NID2: variants seen among roughly 807,000 people sequenced by gnomAD.
NID2 encodes the protein nidogen 2, also known as nidogen-2.
NID2 carries 83 observed loss-of-function variants against 145.4 expected under a neutral mutation model. The ratio of observed to expected loss-of-function variants is 0.57; its 90% CI spans 0.48 to 0.69. NID2 has a LOEUF of 0.69. Among genes scored for constraint, NID2 ranks in the 30% least tolerant of loss-of-function variants. NID2 has a pLI of 0.00. For missense variants in NID2, 1,807 were observed against 1,765.7 expected (o/e 1.02, Z -0.42); for synonymous variants, 739 against 701.3 (o/e 1.05, Z -0.85).
chr14:52,045,210 T>C (rs1892444378), intron 5 of NID2, among the ~76,000 whole-genome samples: 1 of 152,098 alleles, frequency 6.6e-6, no homozygotes, highest in Admixed American at 6.5e-5. Flanking sequence ...GCAGGGAAGA[T>C]TATCGAGATG....
At chr14:52,035,878 A>ACATATATATATATATTTATATT (rs1555364238) in intron 9 of NID2, among the ~76,000 whole-genome samples, 26 of 135,186 alleles carry the variant, frequency 1.9e-4, no homozygotes, top group South Asian at 6.9e-4. Context: ...ATATATATAT[A>ACATATATATATATATTTATATT]TGTTTTATTT....
chr14:52,006,426 G>T, intron 20 of NID2, 111 bp downstream of exon 20: 1 of 1,218,932 alleles, frequency 8.2e-7, no homozygotes, highest in Non-Finnish European at 1.2e-6. Context: ...TGAAACAAAA[G>T]CCTCAGAGGG....
At position 52,010,896 on chromosome 14, in the gene NID2, G is replaced by A. The variant is rs757624317; in HGVS notation, c.3702C>T (p.Ile1234=). The part of the protein sequence containing the change: ...FYTDLVNPRA[I]AVDPIRGNLY... ...CTGACCCTCGGATTGGATCCACAGC[G>A]ATGGCACGGGGATTCACCAGATCTG... The change falls in exon 18 of 22, where the codon ATC becomes ATT. Residue 1234 remains isoleucine (I), a synonymous_variant. Transcript: ENST00000216286. 29 of 1,613,198 alleles carry A rather than the reference G, an allele frequency of 1.8e-5. No homozygotes were observed. The highest frequency in any genetic ancestry group is 2.5e-5 in the Non-Finnish European group (29 of 1,179,890).
At chr14:52,016,365 T>TA (rs1891214802) in intron 14 of NID2, among the ~76,000 whole-genome samples, 1 of 152,224 alleles carries the variant, frequency 6.6e-6, no homozygotes, top group South Asian at 2.1e-4. Context: ...TACCACCATT[T>TA]AGATGTATAA....
Position 52,068,892 on chromosome 14 carries a change from C to A in NID2, c.103G>T (p.Glu35Ter). 1 of 1,614,088 alleles carries A rather than the reference C, an allele frequency of 6.2e-7. No homozygotes were observed. Among genetic ancestry groups the A allele is most frequent in the South Asian group, 1.1e-5 (1 of 91,088 alleles). ...CACGACTCCCCGTGTGGGAAGAGCT[C>A]GTCTGGGTGCAGCGCCGCGGCCCGC... ...MLRAAALHPD[E>*]LFPHGESWGD... Residue 35 changes from glutamate to a stop codon, truncating the protein, a stop_gained, in exon 1 of 22, where the codon GAG becomes TAG. Transcript: ENST00000216286. LOFTEE classifies it high-confidence loss of function.
At chr14:52,032,197 T>A (rs1241455653) in intron 9 of NID2, among the ~76,000 whole-genome samples, 3 of 152,244 alleles carry the variant, frequency 2.0e-5, no homozygotes, top group African/African-American at 7.2e-5. Flanking sequence ...TGCATTCTTG[T>A]AGTGGAATAT....
chr14:52,027,726 C>CTT lies in NID2; in HGVS notation c.2531-384_2531-383dup, dbSNP rs59253416. Among the ~76,000 whole-genome samples, 505 of 136,440 alleles carry CTT rather than the reference C, an allele frequency of 3.7e-3. 5 individuals carry two copies. The highest frequency in any genetic ancestry group is 5.1e-3 in the Admixed American group (69 of 13,618). The allele number at this position is 136,440 out of a possible 152,430, so 89.5% of individuals were successfully genotyped here. ...CTGAATTAAAGAGTGCATTTTCTTT[C>CTT]TTTTTTTTTTTTTTTTGAGATGGAG... On this transcript the variant is annotated intron_variant, in intron 11 of 21. Transcript: ENST00000216286.
chr14:52,036,953 T>C (rs1173472583), intron 9 of NID2, among the ~76,000 whole-genome samples: 1 of 152,248 alleles, frequency 6.6e-6, no homozygotes, highest in Non-Finnish European at 1.5e-5. Context: ...ACTTTGTTAA[T>C]AATGTCCTCT....
chr14:52,011,677 T>A lies in NID2; in HGVS notation c.3427A>T (p.Ile1143Leu). The change falls in exon 17 of 22, where the codon ATA becomes TTA. Residue 1143 changes from isoleucine (I) to leucine (L), a missense_variant. Coordinates refer to ENST00000216286, the MANE Select transcript of NID2 (RefSeq NM_007361.4). The part of the protein sequence containing the change: ...AKTLLSLHGS[I>L]IVGIDYDCRE... ...CAGTCGTAATCAATTCCCACGATTA[T>A]GGAGCCCTTTGTGCATCAAATCATA... 6.2e-7 allele frequency: 1 copy of A among 1,614,198 alleles called. No individual in the cohort carries two copies. The highest frequency in any genetic ancestry group is 8.5e-7 in the Non-Finnish European group (1 of 1,180,026).
At chr14:52,042,726 G>A (rs1419202654) in intron 6 of NID2, 56 bp downstream of exon 6, 7 of 1,573,826 alleles carry the variant, frequency 4.4e-6, no homozygotes, top group Middle Eastern at 1.7e-4. Context: ...GTGGTAGCTG[G>A]AAACAGGTAA....
At chr14:52,043,297 A>G (rs745629586) in intron 5 of NID2, among the ~76,000 whole-genome samples, 1 of 152,106 alleles carries the variant, frequency 6.6e-6, no homozygotes, top group Non-Finnish European at 1.5e-5. Context: ...ATATGGTTCA[A>G]CCTAAACACA....
intron 3 of NID2, among the ~76,000 whole-genome samples, chr14:52,055,941 T>TTGTGTGTGTTTG (rs59859441): frequency 0.052 from 7,782 of 150,230 alleles, 323 homozygotes; most frequent in African/African-American, 0.12. Context: ...TTGTGTGTGT[T>TTGTGTGTGTTTG]TGTGTGTGTG....
chr14:52,026,740 T>C (rs574502862), intron 12 of NID2, among the ~76,000 whole-genome samples: 6 of 152,372 alleles, frequency 3.9e-5, no homozygotes, highest in African/African-American at 9.6e-5. Flanking sequence ...AGAAAAGTTT[T>C]GATATGTGTC....
chr14:52,011,169 A>C, intron 17 of NID2, 122 bp from the exon 18 acceptor site: 2 of 840,254 alleles, frequency 2.4e-6, no homozygotes, highest in Non-Finnish European at 3.7e-6. Context: ...AGTGTCTCCA[A>C]GTCCCCAAGA....
intron 15 of NID2, 39 bp downstream of exon 15, chr14:52,015,015 A>G: frequency 6.5e-7 from 1 of 1,541,736 alleles, no homozygotes; most frequent in South Asian, 1.2e-5. Context: ...CAAAGGCCTT[A>G]GATACAGCTG....
chr14:52,007,555 T>C, intron 19 of NID2: 1 of 447,566 alleles, frequency 2.2e-6, no homozygotes, highest in East Asian at 4.5e-5. Context: ...CTTTTAACTG[T>C]TAAAAATATG....
intron 16 of NID2, among the ~76,000 whole-genome samples, chr14:52,013,300 G>C (rs1407589020): frequency 2.6e-5 from 4 of 152,204 alleles, no homozygotes. Flanking sequence ...AAGAGGGTTA[G>C]CTTAAAGTGA....
At position 52,029,594 on chromosome 14, in the gene NID2, G is replaced by A. The variant is rs1442441282; in HGVS notation, c.2354C>T (p.Thr785Ile). ...RCHPGTGVDY[T>I]CECASGYQGD... ...CTGGTACCCAGATGCGCACTCACAG[G>A]TGTAATCTACACCTGTCCCTGGATG... Residue 785 changes from threonine to isoleucine, a missense_variant, in exon 10 of 22, where the codon ACC (threonine) becomes ATC (isoleucine). By Grantham distance (89) the Thr-to-Ile change is moderately conservative. Transcript: ENST00000216286. The A allele has an allele frequency of 1.9e-6, 3 of 1,613,646 alleles. No homozygotes were observed. The highest frequency in any genetic ancestry group is 1.7e-5 in the Admixed American group (1 of 59,988).
intron 18 of NID2, chr14:52,008,243 A>C: frequency 3.2e-6 from 1 of 315,430 alleles, no homozygotes; most frequent in Non-Finnish European, 5.8e-6. Context: ...CCATGTTGCA[A>C]GCTACCCTGT....
Sources: allele counts gnomAD v4.1 joint callset (sites outside exome capture counted in the v4.1 genomes callset), GRCh38; gene constraint gnomAD v4.1.1; transcripts MANE v1.5; gene names NCBI Gene and HGNC (gene_info 2026-07-23, HGNC 2026-07-21).